Variants in UNC5B observed in about 807,000 individuals in gnomAD.
UNC5B encodes unc-5 netrin receptor B, also known as netrin receptor UNC5B.
UNC5B carries 56 observed loss-of-function variants against 103.7 expected under a neutral mutation model. The ratio of observed to expected loss-of-function variants is 0.54; its 90% CI spans 0.44 to 0.67. The LOEUF is 0.67. Among genes scored for constraint, UNC5B ranks in the 30% least tolerant of loss-of-function variants. The pLI is 0.00. For missense variants in UNC5B, 1,194 were observed against 1,284.5 expected (o/e 0.93, Z 1.08); for synonymous variants, 577 against 542.0 (o/e 1.06, Z -0.90).
chr10:71,244,780 G>A (rs34360037), intron 1 of UNC5B, among the ~76,000 whole-genome samples: 1 of 152,200 alleles, frequency 6.6e-6, no homozygotes, highest in African/African-American at 2.4e-5. Flanking sequence ...CACCCTGTGT[G>A]CATGCATGCA....
chr10:71,286,967 G>A lies in UNC5B; in HGVS notation c.733+98G>A, dbSNP rs1845105596. 5 of 1,472,212 alleles carry A rather than the reference G, an allele frequency of 3.4e-6. No individual in the cohort carries two copies. In the East Asian group the frequency reaches 9.1e-5, roughly 27 times the overall value. The allele number at this position is 1,472,212 out of a possible 1,614,324, so 91.2% of individuals were successfully genotyped here. A position where few individuals can be genotyped will look rare whatever the true frequency, so the allele number is the denominator to read the frequency against. ...CCCCTGGATTGGTAGGGAGGATGCA[G>A]CCCAGAGAGGGGAAGTGAATTGACC... On this transcript the variant is annotated intron_variant, in intron 5 of 16. Coordinates refer to ENST00000335350, the MANE Select transcript of UNC5B (RefSeq NM_170744.5).
At chr10:71,271,955 G>A (rs1250325500) in intron 1 of UNC5B, among the ~76,000 whole-genome samples, 3 of 152,158 alleles carry the variant, frequency 2.0e-5, no homozygotes, top group South Asian at 2.1e-4. Context: ...ATCGGTAACG[G>A]CCATTGTGAC....
intron 4 of UNC5B, among the ~76,000 whole-genome samples, chr10:71,286,325 A>G (rs1845078446): frequency 6.6e-6 from 1 of 152,216 alleles, no homozygotes; most frequent in Non-Finnish European, 1.5e-5. Context: ...TGATGAAGAC[A>G]GATACTCCTG....
At chr10:71,272,324 G>A (rs1383855196) in intron 1 of UNC5B, among the ~76,000 whole-genome samples, 4 of 152,124 alleles carry the variant, frequency 2.6e-5, no homozygotes, top group African/African-American at 9.7e-5. Context: ...AGTCAGCCCT[G>A]GAGACACACA....
At chr10:71,235,231 G>A (rs1445831568) in intron 1 of UNC5B, among the ~76,000 whole-genome samples, 1 of 152,182 alleles carries the variant, frequency 6.6e-6, no homozygotes, top group African/African-American at 2.4e-5. Context: ...CCTCGCTAGG[G>A]GAGCCACCAG....
At chr10:71,238,935 T>A (rs1032310943) in intron 1 of UNC5B, among the ~76,000 whole-genome samples, 1 of 152,132 alleles carries the variant, frequency 6.6e-6, no homozygotes, top group Admixed American at 6.5e-5. Flanking sequence ...TGCACCATCA[T>A]GCCTGGCTAA....
chr10:71,293,592 G>C lies in UNC5B; in HGVS notation c.1941+19G>C. ...CTGGGAGGTGAGGAGCCACGGTGAA[G>C]GCTGGCCCAGCTCTCCCAACCTGCC... On this transcript the variant is annotated intron_variant, in intron 12 of 16. Coordinates refer to ENST00000335350, the MANE Select transcript of UNC5B (RefSeq NM_170744.5). The C allele has an allele frequency of 6.2e-7, 1 of 1,613,420 alleles. No individual in the cohort carries two copies. The highest frequency in any genetic ancestry group is 8.5e-7 in the Non-Finnish European group (1 of 1,179,746).
chr10:71,291,897 A>G, intron 10 of UNC5B, 76 bp downstream of exon 10: 1 of 1,496,434 alleles, frequency 6.7e-7, no homozygotes, highest in Non-Finnish European at 8.8e-7. Flanking sequence ...CCCATCCAGC[A>G]GAAGATAGGG....
At chr10:71,248,563 T>G (rs1477051737) in intron 1 of UNC5B, among the ~76,000 whole-genome samples, 2 of 152,152 alleles carry the variant, frequency 1.3e-5, no homozygotes, top group African/African-American at 4.8e-5. Context: ...TAATTTACAT[T>G]AGTAATTTAT....
rs944274477 is a variant in UNC5B, at chr10:71,301,601, A to G, written c.*2324A>G. The G allele has an allele frequency of 6.6e-6, 1 of 152,284 alleles. No homozygotes were observed. Among genetic ancestry groups the G allele is most frequent in the East Asian group, 1.9e-4 (1 of 5,196 alleles). The allele number at this position is 152,284 out of a possible 1,614,324, so 9.4% of individuals were successfully genotyped here. A position where few individuals can be genotyped will look rare whatever the true frequency, so the allele number is the denominator to read the frequency against. ...GCCTCGGTCACGTGGCTTTGAGGGCAGTCTGACCAGGCTAGACCACACGTG... is the reference window on the plus strand; with the variant it reads ...GCCTCGGTCACGTGGCTTTGAGGGCGGTCTGACCAGGCTAGACCACACGTG... On this transcript the variant is annotated 3_prime_UTR_variant, in exon 17 of 17. Transcript: ENST00000335350.
rs1554858438 is a variant in UNC5B, at chr10:71,213,675, A to AATTATTTATTATTATT, written c.79+617_79+618insTATTATTATTATTATT. Among the ~76,000 whole-genome samples, 9 of 133,258 alleles carry AATTATTTATTATTATT rather than the reference A, an allele frequency of 6.8e-5. No individual in the cohort carries two copies. Among genetic ancestry groups the AATTATTTATTATTATT allele is most frequent in the African/African-American group, 2.6e-4 (9 of 34,642 alleles). The allele number at this position is 133,258 out of a possible 152,430, so 87.4% of individuals were successfully genotyped here. On this transcript the variant is annotated intron_variant, in intron 1 of 16. Transcript: ENST00000335350. This position sits in a 1 kb window ranked among gnomAD's most constrained non-coding sequence, Gnocchi z 4.1. ...ATCGCTGGGCCCGCAGGTCTGGAAG[A>AATTATTTATTATTATT]ATTATTATTATTATTATTATTATTA...
At chr10:71,237,201 CCT>C (rs536625152) in intron 1 of UNC5B, among the ~76,000 whole-genome samples, 272 of 152,276 alleles carry the variant, frequency 1.8e-3, no homozygotes, top group Non-Finnish European at 3.3e-3. Context: ...CCTAATGACC[CCT>C]GTTTGCCTGG....
At chr10:71,223,294 G>T (rs1843487638) in intron 1 of UNC5B, among the ~76,000 whole-genome samples, 1 of 152,212 alleles carries the variant, frequency 6.6e-6, no homozygotes, top group African/African-American at 2.4e-5. Context: ...GAGAACTCAT[G>T]GTCAGGCCTT....
Position 71,302,644 on chromosome 10 carries a change from G to C in UNC5B, c.*3367G>C, listed in dbSNP as rs1248697538. On this transcript the variant is annotated 3_prime_UTR_variant, in exon 17 of 17. Transcript: ENST00000335350. ...GGTCCCTTAGGGGAGGTGACCAGGA[G>C]CTTTGGTGCAGGGAGCTCTTGGTGG... 6.6e-6 allele frequency: 1 copy of C among 151,518 alleles called. No individual in the cohort carries two copies. The highest frequency in any genetic ancestry group is 2.4e-5 in the African/African-American group (1 of 40,838). The allele number at this position is 151,518 out of a possible 1,614,324, so 9.4% of individuals were successfully genotyped here.
At chr10:71,224,995 G>A (rs982786465) in intron 1 of UNC5B, among the ~76,000 whole-genome samples, 5 of 152,174 alleles carry the variant, frequency 3.3e-5, no homozygotes, top group Admixed American at 1.3e-4. Context: ...CTTGGTAATC[G>A]TCTGAGGGTT....
At position 71,300,001 on chromosome 10, in the gene UNC5B, T is replaced by G. The variant is rs1845550196; in HGVS notation, c.*724T>G. 1 of 151,602 alleles carries G rather than the reference T, an allele frequency of 6.6e-6. No individual in the cohort carries two copies. The highest frequency in any genetic ancestry group is 2.1e-4 in the South Asian group (1 of 4,770). The allele number at this position is 151,602 out of a possible 1,614,324, so 9.4% of individuals were successfully genotyped here. A position where few individuals can be genotyped will look rare whatever the true frequency, so the allele number is the denominator to read the frequency against. ...TGAGTGTGGATGAGAATGGGCACGC[T>G]CACACTTCTGGCCAGGAGTGAATGT... On this transcript the variant is annotated 3_prime_UTR_variant, in exon 17 of 17. Coordinates refer to ENST00000335350, the MANE Select transcript of UNC5B (RefSeq NM_170744.5).
At chr10:71,225,596 C>A (rs1843545456) in intron 1 of UNC5B, among the ~76,000 whole-genome samples, 1 of 152,234 alleles carries the variant, frequency 6.6e-6, no homozygotes, top group Non-Finnish European at 1.5e-5. Flanking sequence ...CCATGCCCAC[C>A]AGAAGTTACA....
intron 1 of UNC5B, among the ~76,000 whole-genome samples, chr10:71,239,470 T>G (rs1372671561): frequency 6.6e-6 from 1 of 152,108 alleles, no homozygotes; most frequent in African/African-American, 2.4e-5. Flanking sequence ...GGGCTCCTCA[T>G]GCATGTCACT....
At chr10:71,290,415 C>T (rs1338268990) in intron 8 of UNC5B, among the ~76,000 whole-genome samples, 1 of 152,210 alleles carries the variant, frequency 6.6e-6, no homozygotes, top group Non-Finnish European at 1.5e-5. Flanking sequence ...GCTCCCCGTC[C>T]CTCCACTTCC....
Sources: gnomAD v4.1 joint callset for allele counts (sites outside exome capture counted in the v4.1 genomes callset) on GRCh38, gnomAD v4.1.1 for gene constraint, Gnocchi (gnomAD v3.1) non-coding constraint, MANE v1.5 for transcripts, NCBI Gene and HGNC (gene_info 2026-07-23, HGNC 2026-07-21) for gene names.